The following HORMAD2 variants were observed in gnomAD, a reference collection of about 807,000 sequenced individuals.
HORMAD2 encodes HORMA domain containing 2.
Under a neutral mutation model 38.8 loss-of-function variants are expected in HORMAD2, and 45 were observed. That is an observed-to-expected ratio of 1.16 (90% CI 0.91 to 1.49). The LOEUF (loss-of-function observed/expected upper bound fraction) is 1.49. Among genes scored for constraint, HORMAD2 ranks in the 40% most tolerant of loss-of-function variants. The pLI is 0.00. For synonymous variants in HORMAD2, 126 were observed against 122.8 expected, an observed-to-expected ratio of 1.03 and a Z score of -0.17; for missense variants, 338 against 367.0, an observed-to-expected ratio of 0.92 and a Z score of 0.65.
At chr22:30,117,623 C>A (rs1345371023) in intron 7 of HORMAD2, among the ~76,000 whole-genome samples, 1 of 152,150 alleles carries the variant, frequency 6.6e-6, no homozygotes, top group Non-Finnish European at 1.5e-5. Flanking sequence ...ATTCTCCTGC[C>A]TCAGCCTCCT....
At chr22:30,205,785 C>T in the HORMAD2 span, among the ~76,000 whole-genome samples, 253 of 152,244 alleles carry the variant, frequency 1.7e-3, no homozygotes, top group Non-Finnish European at 2.1e-3. Flanking sequence ...AAAGCCGCTG[C>T]CCGTTCTGTT....
At chr22:30,153,541 G>A (rs907332146) in intron 10 of HORMAD2, among the ~76,000 whole-genome samples, 1 of 152,122 alleles carries the variant, frequency 6.6e-6, no homozygotes, top group African/African-American at 2.4e-5. Context: ...CTTAACAAGT[G>A]TATTTTCTCT....
rs1172466720 is a variant in HORMAD2 at position 30,168,951 on chromosome 22, G to A, written c.820-7112G>A. Among the ~76,000 whole-genome samples, 6 of 152,196 alleles carry A rather than the reference G, an allele frequency of 3.9e-5. No homozygotes were observed. The East Asian group carries it at 1.2e-3, about 29-fold the overall frequency. ...AGTCCAAACTTTAAAGAATGACATT[G>A]TCTGACCCAGCCCACCACTCCCACA... On this transcript the variant is annotated intron_variant, in intron 10 of 10. Coordinates refer to ENST00000336726, the MANE Select transcript of HORMAD2 (RefSeq NM_152510.4).
downstream of HORMAD2, among the ~76,000 whole-genome samples, chr22:30,181,066 A>G (rs1234960789): frequency 1.0e-4 from 15 of 147,816 alleles, no homozygotes; most frequent in African/African-American, 3.5e-4. Context: ...GTTTCATTCT[A>G]TCACCCAGGC....
At chr22:30,110,212 A>T (rs1921521892) in intron 5 of HORMAD2, among the ~76,000 whole-genome samples, 1 of 152,182 alleles carries the variant, frequency 6.6e-6, no homozygotes, top group African/African-American at 2.4e-5. Context: ...GTATCAAAAT[A>T]TCACATGTAC....
chr22:30,150,580 G>A (rs928745710), intron 10 of HORMAD2, among the ~76,000 whole-genome samples: 5 of 152,150 alleles, frequency 3.3e-5, no homozygotes, highest in Non-Finnish European at 7.3e-5. Flanking sequence ...AAGAGTGGGG[G>A]AACTATGAAT....
chr22:30,078,597 C>A (rs1252434540), upstream of HORMAD2, among the ~76,000 whole-genome samples: 3 of 67,120 alleles, frequency 4.5e-5, no homozygotes, highest in South Asian at 1.7e-3. Flanking sequence ...CAGAGCAAGA[C>A]TCTGTCTCAC....
chr22:30,082,880 G>A (rs1279126571), intron 1 of HORMAD2, among the ~76,000 whole-genome samples: 1 of 152,024 alleles, frequency 6.6e-6, no homozygotes, highest in Non-Finnish European at 1.5e-5. Flanking sequence ...AGGTCAAGAG[G>A]TAAGCCTAGA....
intron 10 of HORMAD2, among the ~76,000 whole-genome samples, chr22:30,130,732 A>G (rs1252859661): frequency 6.6e-6 from 1 of 151,448 alleles, no homozygotes; most frequent in Non-Finnish European, 1.5e-5. Context: ...CTGGGACTAC[A>G]GGGGCGTGTC....
Position 30,094,022 on chromosome 22 carries a change from A to G in HORMAD2, c.51+19A>G. The stretch of plus-strand genomic sequence containing the variant: ...TTCTAAGGTATTTGTTAAGAATTAA[A>G]AGAAAATCAATGACCATTTAGTGAG... On this transcript the variant is annotated intron_variant, in intron 2 of 10. Transcript: ENST00000336726. 6.4e-7 allele frequency: 1 copy of G among 1,564,372 alleles called. No individual in the cohort carries two copies. The highest frequency in any genetic ancestry group is 8.8e-7 in the Non-Finnish European group (1 of 1,142,178).
chr22:30,162,764 G>T (rs1318062618), intron 10 of HORMAD2, among the ~76,000 whole-genome samples: 2 of 147,840 alleles, frequency 1.4e-5, no homozygotes, highest in Non-Finnish European at 3.0e-5. Context: ...GTGCAGTGGC[G>T]CAATCTCGGC....
At chr22:30,106,023 G>A (rs989081647) in intron 5 of HORMAD2, among the ~76,000 whole-genome samples, 21 of 152,040 alleles carry the variant, frequency 1.4e-4, no homozygotes, top group African/African-American at 5.1e-4. Context: ...ATTTTTTTGT[G>A]AGTGTGTGGC....
At chr22:30,147,563 G>T (rs1398089158) in intron 10 of HORMAD2, among the ~76,000 whole-genome samples, 1 of 151,990 alleles carries the variant, frequency 6.6e-6, no homozygotes, top group East Asian at 1.9e-4. Context: ...TTCTTAGGCG[G>T]TTCCCTAAAA....
rs766750542 is a variant in HORMAD2 at position 30,122,186 on chromosome 22, G to A, written c.791G>A (p.Cys264Tyr). 1.3e-5 allele frequency: 21 copies of A among 1,612,498 alleles called. No individual in the cohort carries two copies. The highest frequency in any genetic ancestry group is 1.7e-5 in the Non-Finnish European group (20 of 1,179,252). The change falls in exon 10 of 11, where the codon TGT becomes TAT. Residue 264 changes from cysteine to tyrosine, a missense_variant. Physicochemically the swap from Cys to Tyr is radical, Grantham distance 194. Coordinates refer to ENST00000336726, the MANE Select transcript of HORMAD2 (RefSeq NM_152510.4). ...TTEIAHQGLD[C>Y]DEEEECNDHI... ...GAGATCGCCCATCAGGGTCTAGACT[G>A]TGATGAGGAAGAAGAATGCAATGAC... is the stretch of plus-strand genomic sequence containing the variant.
chr22:30,153,604 G>T (rs1195713820), intron 10 of HORMAD2, among the ~76,000 whole-genome samples: 3 of 152,130 alleles, frequency 2.0e-5, no homozygotes, highest in Non-Finnish European at 4.4e-5. Flanking sequence ...TTTTGCAAGA[G>T]AATTGTCTAT....
the HORMAD2 span, among the ~76,000 whole-genome samples, chr22:30,194,183 G>A: frequency 2.6e-5 from 4 of 152,166 alleles, no homozygotes; most frequent in Admixed American, 6.5e-5. Flanking sequence ...AGATACTAGC[G>A]CCACCAACCA....
chr22:30,195,824 A>G, the HORMAD2 span, among the ~76,000 whole-genome samples: 12 of 152,224 alleles, frequency 7.9e-5, no homozygotes, highest in South Asian at 2.5e-3. Context: ...GTCTGGAAAT[A>G]TAAAGGCTCA....
chr22:30,138,359 G>A (rs1018056042), intron 10 of HORMAD2, among the ~76,000 whole-genome samples: 1 of 151,614 alleles, frequency 6.6e-6, no homozygotes, highest in African/African-American at 2.4e-5. Context: ...GTGGAGATGG[G>A]GTCTCGCCAT....
chr22:30,082,964 G>A (rs1202140407), intron 1 of HORMAD2, among the ~76,000 whole-genome samples: 1 of 152,008 alleles, frequency 6.6e-6, no homozygotes, highest in Non-Finnish European at 1.5e-5. Flanking sequence ...TCACAAAGTA[G>A]ACATATCAAA....
Sources: allele counts gnomAD v4.1 joint callset (sites outside exome capture counted in the v4.1 genomes callset), GRCh38; gene constraint gnomAD v4.1.1; transcripts MANE v1.5; gene names NCBI Gene and HGNC (gene_info 2026-07-23, HGNC 2026-07-21).